The following PRELID2 variants were observed in gnomAD, a reference collection of about 807,000 sequenced individuals.
PRELID2 encodes the protein PRELI domain containing 2, also known as PRELI domain-containing protein 2.
PRELID2 carries 25 observed loss-of-function variants against 28.4 expected under a neutral mutation model. That is an observed-to-expected ratio of 0.88 (90% confidence interval 0.64 to 1.23). PRELID2 has a LOEUF of 1.23. PRELID2 is among the 50% of genes most tolerant of loss of function. The probability of loss-of-function intolerance (pLI) is 0.00; values close to 1 mark genes in which losing one functional copy is unlikely to be tolerated. For missense variants in PRELID2, 201 were observed against 214.4 expected (o/e 0.94, Z 0.39); for synonymous variants, 76 against 71.6 (o/e 1.06, Z -0.31).
At chr5:145,546,833 A>T (rs1014380227) in intron 1 of PRELID2, among the ~76,000 whole-genome samples, 2 of 152,168 alleles carry the variant, frequency 1.3e-5, no homozygotes, top group Non-Finnish European at 2.9e-5. Flanking sequence ...CCATTCTCAT[A>T]CTGGAGAGGA....
intron 1 of PRELID2, among the ~76,000 whole-genome samples, chr5:145,671,216 C>T (rs1216814819): frequency 6.6e-6 from 1 of 152,096 alleles, no homozygotes; most frequent in Non-Finnish European, 1.5e-5. Flanking sequence ...TAAAAACTAT[C>T]GCTATACAGA....
the PRELID2 span, among the ~76,000 whole-genome samples, chr5:145,461,011 C>G: frequency 2.0e-5 from 3 of 152,114 alleles, 1 homozygote; most frequent in South Asian, 6.2e-4. Flanking sequence ...AGTGACTTCT[C>G]AGATTTTTGT....
the PRELID2 span, among the ~76,000 whole-genome samples, chr5:145,403,696 C>T: frequency 5.3e-4 from 80 of 152,310 alleles, no homozygotes; most frequent in African/African-American, 1.5e-3. Flanking sequence ...ACAAATCCTA[C>T]GACATGGGTG....
chr5:145,634,841 T>C (rs1022980309), intron 1 of PRELID2, among the ~76,000 whole-genome samples: 2 of 152,214 alleles, frequency 1.3e-5, no homozygotes, highest in African/African-American at 4.8e-5. Context: ...GTCATTCTTT[T>C]AAAATATATT....
chr5:145,312,375 CTT>C, the PRELID2 span, among the ~76,000 whole-genome samples: 1 of 151,990 alleles, frequency 6.6e-6, no homozygotes, highest in African/African-American at 2.4e-5. Flanking sequence ...AAAATTTACT[CTT>C]AGCAATTTTC....
At chr5:145,742,129 TA>T (rs1156330099) in intron 1 of PRELID2, among the ~76,000 whole-genome samples, 3 of 5,442 alleles carry the variant, frequency 5.5e-4, no homozygotes, top group Non-Finnish European at 1.8e-3. Context: ...ATTTATTAAT[TA>T]TAAATAAATA....
the PRELID2 span, among the ~76,000 whole-genome samples, chr5:145,286,749 T>C: frequency 1.4e-5 from 2 of 147,414 alleles, no homozygotes; most frequent in African/African-American, 5.1e-5. Flanking sequence ...TGAGACGAAG[T>C]CTCACTCTGT....
the PRELID2 span, chr5:145,229,777 T>C: frequency 1.3e-6 from 1 of 755,122 alleles, no homozygotes; most frequent in South Asian, 1.3e-5. Context: ...GCTGAGCTGA[T>C]ATACACCAGT....
At chr5:145,820,979 A>G (rs1159675671) in intron 2 of PRELID2, among the ~76,000 whole-genome samples, 1 of 152,106 alleles carries the variant, frequency 6.6e-6, no homozygotes, top group Admixed American at 6.6e-5. Flanking sequence ...GGGGTCTTAC[A>G]TCACTTCTCC....
At chr5:145,375,728 G>A in the PRELID2 span, among the ~76,000 whole-genome samples, 1 of 152,122 alleles carries the variant, frequency 6.6e-6, no homozygotes. Context: ...ATGAGTCATG[G>A]TCAGGCCTGA....
intron 1 of PRELID2, among the ~76,000 whole-genome samples, chr5:145,580,725 C>T (rs1269981808): frequency 6.6e-6 from 1 of 151,974 alleles, no homozygotes; most frequent in Non-Finnish European, 1.5e-5. Context: ...TCCTGAGAAC[C>T]CAGGTGCCAT....
At chr5:145,242,573 T>C in the PRELID2 span, among the ~76,000 whole-genome samples, 6 of 152,074 alleles carry the variant, frequency 3.9e-5, no homozygotes, top group Admixed American at 2.6e-4. Context: ...TTTTCACATA[T>C]GAATTTTCTA....
chr5:145,703,522 A>G (rs1457214163), intron 1 of PRELID2, among the ~76,000 whole-genome samples: 1 of 152,242 alleles, frequency 6.6e-6, no homozygotes, highest in African/African-American at 2.4e-5. Context: ...AGAAAATGTC[A>G]GTTCCAACAG....
chr5:145,556,752 C>G (rs1444758264), intron 1 of PRELID2, among the ~76,000 whole-genome samples: 1 of 152,184 alleles, frequency 6.6e-6, no homozygotes, highest in Non-Finnish European at 1.5e-5. Context: ...ATTCTCTGTT[C>G]AACCCTCACT....
intron 5 of PRELID2, among the ~76,000 whole-genome samples, chr5:145,765,534 C>G (rs1175080131): frequency 6.6e-6 from 1 of 152,098 alleles, no homozygotes; most frequent in Non-Finnish European, 1.5e-5. Context: ...CATGTCCCTC[C>G]AGGGGCAGCA....
chr5:145,361,892 C>T, the PRELID2 span, among the ~76,000 whole-genome samples: 7 of 152,172 alleles, frequency 4.6e-5, no homozygotes, highest in South Asian at 2.1e-4. Context: ...TCCCAGATTT[C>T]GGTTGAAAGT....
At chr5:145,727,939 G>T (rs1756221369) in intron 1 of PRELID2, among the ~76,000 whole-genome samples, 1 of 152,150 alleles carries the variant, frequency 6.6e-6, no homozygotes, top group Admixed American at 6.5e-5. Context: ...AATCCAAAAG[G>T]TCCCACTGGA....
the PRELID2 span, among the ~76,000 whole-genome samples, chr5:145,350,313 T>C: frequency 9.9e-5 from 15 of 152,202 alleles, no homozygotes; most frequent in African/African-American, 3.6e-4. Flanking sequence ...AGAAAAGATT[T>C]CACCAAAGAG....
chr5:145,367,092 T>A, the PRELID2 span, among the ~76,000 whole-genome samples: 1 of 151,868 alleles, frequency 6.6e-6, no homozygotes, highest in Non-Finnish European at 1.5e-5. Context: ...TTCCTCTAGA[T>A]GTTTCCTCTG....
Sources: gnomAD v4.1 joint callset for allele counts (sites outside exome capture counted in the v4.1 genomes callset) on GRCh38, gnomAD v4.1.1 for gene constraint, MANE v1.5 for transcripts, NCBI Gene and HGNC (gene_info 2026-07-23, HGNC 2026-07-21) for gene names.